YLPM1: variants seen among roughly 807,000 people sequenced by gnomAD.
The protein encoded by YLPM1 is YLP motif containing 1.
A neutral mutation model predicts 230.0 loss-of-function variants in YLPM1; 99 were observed. The ratio of observed to expected loss-of-function variants is 0.43; its 90% CI spans 0.37 to 0.51. The LOEUF is 0.51. Among genes scored for constraint, YLPM1 ranks in the 20% least tolerant of loss-of-function variants. YLPM1 has a pLI of 0.00. For missense variants in YLPM1, 2,592 were observed against 2,707.7 expected, an observed-to-expected ratio of 0.96 and a Z score of 0.95; for synonymous variants, 984 against 942.5, an observed-to-expected ratio of 1.04 and a Z score of -0.81.
rs535945950 is a variant in YLPM1 at position 74,797,802 on chromosome 14, A to G, written c.2505A>G (p.Pro835=). 4 of 1,613,980 alleles carry G rather than the reference A, an allele frequency of 2.5e-6. No individual in the cohort carries two copies. Among genetic ancestry groups the G allele is most frequent in the Non-Finnish European group, 3.4e-6 (4 of 1,179,890 alleles). ...STSLSPRQSG[P]QWKGPKPAFG... ...CCCTAAGTCCTCGACAGAGTGGACCACAGTGGAAAGGCCCCAAACCAGCTT... is the reference window on the plus strand; with the variant it reads ...CCCTAAGTCCTCGACAGAGTGGACCGCAGTGGAAAGGCCCCAAACCAGCTT... Residue 835 remains proline, a synonymous_variant, in exon 5 of 21, where the codon CCA becomes CCG. Coordinates refer to ENST00000325680, the MANE Select transcript of YLPM1 (RefSeq NM_019589.3).
At chr14:74,797,084 G>GT (rs1208983280) in intron 4 of YLPM1, among the ~76,000 whole-genome samples, 1 of 140,768 alleles carries the variant, frequency 7.1e-6, no homozygotes, top group Non-Finnish European at 1.5e-5. Context: ...TGATTCTCCT[G>GT]CCTCAGCCTC....
intron 4 of YLPM1, among the ~76,000 whole-genome samples, chr14:74,796,696 CTG>C (rs1471956600): frequency 1.3e-5 from 2 of 150,834 alleles, no homozygotes; most frequent in Admixed American, 6.6e-5. Context: ...GCAAAAATAA[CTG>C]TGCAGACTTT....
intron 17 of YLPM1, 69 bp from the exon 18 acceptor site, chr14:74,824,187 A>G (rs774339387): frequency 1.4e-6 from 2 of 1,475,660 alleles, no homozygotes; most frequent in East Asian, 4.8e-5. Flanking sequence ...ATGCTTTTCC[A>G]GTTCAAACGT....
At chr14:74,806,104 G>A (rs904704246) in intron 6 of YLPM1, among the ~76,000 whole-genome samples, 2 of 150,534 alleles carry the variant, frequency 1.3e-5, no homozygotes, top group Non-Finnish European at 3.0e-5. Context: ...TGCCTGCAAT[G>A]CCAGCACTTT....
intron 9 of YLPM1, 26 bp from the exon 10 acceptor site, chr14:74,811,594 G>C: frequency 6.4e-7 from 1 of 1,556,328 alleles, no homozygotes. Context: ...TTTATTTGCT[G>C]AAGCGCTTCC....
Position 74,818,198 on chromosome 14 carries a change from A to G in YLPM1, c.5947-33A>G, listed in dbSNP as rs529591074. The G allele has an allele frequency of 4.6e-6, 7 of 1,531,902 alleles. No homozygotes were observed. The African/African-American group carries it at 5.4e-5, about 12-fold the overall frequency. 94.9% of individuals were successfully genotyped at this position (1,531,902 alleles called of 1,614,324 possible). A position where few individuals can be genotyped will look rare whatever the true frequency, so the allele number is the denominator to read the frequency against. On this transcript the variant is annotated intron_variant, in intron 15 of 20. Coordinates refer to ENST00000325680, the MANE Select transcript of YLPM1 (RefSeq NM_019589.3). ...CTTACTTGGTCTTTGAGTAGTTTCT[A>G]GAGATAACTCAACCATCTGAATTTT...
intron 11 of YLPM1, among the ~76,000 whole-genome samples, chr14:74,814,454 T>C (rs2091461172): frequency 6.6e-6 from 1 of 152,222 alleles, no homozygotes; most frequent in East Asian, 1.9e-4. Flanking sequence ...GTTTGTTGAA[T>C]GTTTTTATCA....
chr14:74,805,097 G>T (rs986243660), intron 6 of YLPM1, among the ~76,000 whole-genome samples: 1 of 149,184 alleles, frequency 6.7e-6, no homozygotes, highest in Non-Finnish European at 1.5e-5. Flanking sequence ...TCAGCTCACC[G>T]AAACCTCCAC....
At chr14:74,797,215 T>C (rs2091272705) in intron 4 of YLPM1, among the ~76,000 whole-genome samples, 1 of 149,998 alleles carries the variant, frequency 6.7e-6, no homozygotes, top group South Asian at 2.1e-4. Context: ...GGTCTTGAAC[T>C]CTTGATCTCA....
At chr14:74,805,023 C>CT (rs369306225) in intron 6 of YLPM1, among the ~76,000 whole-genome samples, 9,922 of 139,024 alleles carry the variant, frequency 0.071, 394 homozygotes, top group Non-Finnish European at 0.1. Flanking sequence ...TTCTTTTTTC[C>CT]TTTTTTTTTT....
chr14:74,777,804 G>C (rs892350327), intron 1 of YLPM1, among the ~76,000 whole-genome samples: 7 of 151,832 alleles, frequency 4.6e-5, no homozygotes, highest in African/African-American at 1.5e-4. Flanking sequence ...GTAAGACCTT[G>C]TGTCTATAAA....
At chr14:74,833,618 A>G (rs945140349) in intron 19 of YLPM1, among the ~76,000 whole-genome samples, 1 of 152,184 alleles carries the variant, frequency 6.6e-6, no homozygotes, top group East Asian at 1.9e-4. Flanking sequence ...AGATTTTTCT[A>G]TATTGAAGCC....
chr14:74,810,167 T>C (rs1313258668), intron 8 of YLPM1, 58 bp from the exon 9 acceptor site: 3 of 1,562,700 alleles, frequency 1.9e-6, no homozygotes. Flanking sequence ...GATTTATAGT[T>C]TTCTGCTTTT....
At chr14:74,833,455 G>T (rs892605057) in intron 19 of YLPM1, among the ~76,000 whole-genome samples, 1 of 152,118 alleles carries the variant, frequency 6.6e-6, no homozygotes, top group African/African-American at 2.4e-5. Context: ...GTTTCGCCTT[G>T]TTGCCCAGGC....
intron 4 of YLPM1, among the ~76,000 whole-genome samples, chr14:74,784,036 A>G (rs761759420): frequency 6.6e-5 from 10 of 152,212 alleles, no homozygotes; most frequent in Admixed American, 6.5e-5. Context: ...TCAAGCCTAT[A>G]CTGTCAGTGC....
intron 19 of YLPM1, among the ~76,000 whole-genome samples, chr14:74,833,677 C>T (rs914159635): frequency 6.6e-6 from 1 of 152,174 alleles, no homozygotes; most frequent in Non-Finnish European, 1.5e-5. Context: ...GACATTGAGC[C>T]ATAGGTTTTC....
intron 9 of YLPM1, among the ~76,000 whole-genome samples, chr14:74,811,146 T>C (rs1338302101): frequency 2.0e-5 from 3 of 152,040 alleles, no homozygotes; most frequent in Non-Finnish European, 4.4e-5. Flanking sequence ...ACTTCTTAGA[T>C]GTATGTATAT....
chr14:74,815,944 T>G (rs1041674048), intron 11 of YLPM1, among the ~76,000 whole-genome samples: 2 of 152,136 alleles, frequency 1.3e-5, no homozygotes, highest in Middle Eastern at 3.2e-3. Flanking sequence ...ATTCATTGGT[T>G]ATTTAGGAGT....
At chr14:74,807,585 T>C (rs10139016) in intron 6 of YLPM1, among the ~76,000 whole-genome samples, 105,663 of 151,840 alleles carry the variant, frequency 0.7, 36,889 homozygotes, top group East Asian at 0.78. Flanking sequence ...TAGGACCAAT[T>C]TGCTAAGAAG....
Sources: gnomAD v4.1 joint callset for allele counts (sites outside exome capture counted in the v4.1 genomes callset) on GRCh38, gnomAD v4.1.1 for gene constraint, MANE v1.5 for transcripts, NCBI Gene and HGNC (gene_info 2026-07-23, HGNC 2026-07-21) for gene names.